The following COL15A1 variants were observed in gnomAD, a reference collection of about 807,000 sequenced individuals.
COL15A1 encodes collagen alpha-1(XV) chain.
A neutral mutation model predicts 165.9 loss-of-function variants in COL15A1; 111 were observed. That is an observed-to-expected ratio of 0.67 (90% CI 0.57 to 0.78). The LOEUF (loss-of-function observed/expected upper bound fraction) is 0.78. Among genes scored for constraint, COL15A1 ranks in the 30% least tolerant of loss-of-function variants. The pLI is 0.00. For missense variants in COL15A1, 1,745 were observed against 1,789.7 expected (o/e 0.98, Z 0.45); for synonymous variants, 659 against 674.8 (o/e 0.98, Z 0.36).
At chr9:99,068,530 C>A (rs1010394099) in intron 40 of COL15A1, 25 bp from the exon 41 acceptor site, 3 of 888,966 alleles carry the variant, frequency 3.4e-6, no homozygotes, top group African/African-American at 1.8e-5. Context: ...TATAATGATT[C>A]TAATGTGGTA....
chr9:99,003,639 T>A, intron 8 of COL15A1, 52 bp downstream of exon 8: 1 of 1,445,136 alleles, frequency 6.9e-7, no homozygotes, highest in South Asian at 1.6e-5. Context: ...GGGTTGTGGG[T>A]TGTGTTGGGT....
In COL15A1 at chr9:99,000,866, TG is replaced by T; in HGVS notation, c.982del (p.Glu328ArgfsTer30). The T allele has an allele frequency of 6.3e-7, 1 of 1,594,308 alleles. No individual in the cohort carries two copies. Among genetic ancestry groups the T allele is most frequent in the Non-Finnish European group, 8.6e-7 (1 of 1,162,510 alleles). ...TCTGGTGAGATCCTGAATGACACAC[TG>T]GAGGGGGTTCATTCTGTGGATGGTG... is the stretch of plus-strand genomic sequence containing the variant. ...QGSGEILNDT[L>X]EGVHSVDGDP... is the part of the protein sequence containing the mutation. On this transcript the variant is annotated frameshift_variant, in exon 7 of 42. Coordinates refer to ENST00000375001, the MANE Select transcript of COL15A1 (RefSeq NM_001855.5). LOFTEE classifies it high-confidence loss of function.
intron 16 of COL15A1, among the ~76,000 whole-genome samples, chr9:99,033,056 A>G (rs148881214): frequency 6.6e-6 from 1 of 152,318 alleles, no homozygotes; most frequent in Non-Finnish European, 1.5e-5. Flanking sequence ...TTCTCACAGT[A>G]TTGCCTTGCC....
intron 2 of COL15A1, among the ~76,000 whole-genome samples, chr9:98,984,164 G>A (rs190526603): frequency 2.0e-5 from 3 of 152,276 alleles, no homozygotes; most frequent in East Asian, 3.9e-4. Context: ...CTCAGGATCC[G>A]GCTTCACTTC....
chr9:98,953,316 GA>G (rs1366623827), intron 2 of COL15A1, among the ~76,000 whole-genome samples: 7 of 152,066 alleles, frequency 4.6e-5, no homozygotes, highest in Non-Finnish European at 7.3e-5. Context: ...CTACAGAGAG[GA>G]AAAGTCTAGG....
intron 9 of COL15A1, among the ~76,000 whole-genome samples, chr9:99,014,152 C>T (rs773834196): frequency 1.3e-5 from 2 of 152,120 alleles, no homozygotes; most frequent in Admixed American, 6.5e-5. Context: ...TTACTGAGCA[C>T]TTTAATAGTA....
At chr9:98,944,121 C>T in intron 1 of COL15A1, 41 bp from the exon 2 acceptor site, 1 of 1,614,168 alleles carries the variant, frequency 6.2e-7, no homozygotes, top group African/African-American at 1.3e-5. Context: ...CTCCAATACT[C>T]TTGCCCGCCT....
chr9:98,979,619 G>A (rs951753064), intron 2 of COL15A1, among the ~76,000 whole-genome samples: 1 of 150,596 alleles, frequency 6.6e-6, no homozygotes, highest in African/African-American at 2.5e-5. Flanking sequence ...ATGGTTTTGG[G>A]GTTTTCTTTG....
chr9:98,995,117 T>C (rs1054794515), intron 5 of COL15A1, among the ~76,000 whole-genome samples: 1 of 152,182 alleles, frequency 6.6e-6, no homozygotes, highest in African/African-American at 2.4e-5. Flanking sequence ...GGCTTGAGCA[T>C]TGGTTCCTGA....
At position 98,985,569 on chromosome 9, in the gene COL15A1, T is replaced by C. The variant is rs1275407376; in HGVS notation, c.105T>C (p.Thr35=). The C allele has an allele frequency of 6.2e-7, 1 of 1,611,044 alleles. No individual in the cohort carries two copies. The highest frequency in any genetic ancestry group is 1.7e-5 in the Admixed American group (1 of 59,960). Residue 35 remains threonine, a synonymous_variant, in exon 3 of 42, where the codon ACT becomes ACC. Coordinates refer to ENST00000375001, the MANE Select transcript of COL15A1 (RefSeq NM_001855.5). ...CCTCTCTCTCCCTCCCTGCAGAGAC[T>C]GCTTCCCAGGGTCACCTGGACCTCA... ...AVTQTRGATE[T]ASQGHLDLTQ... is the part of the protein sequence containing the mutation.
rs369785368 is a variant in COL15A1, at chr9:99,068,603, G to A, written c.3886G>A (p.Gly1296Ser). The A allele has an allele frequency of 5.2e-6, 8 of 1,550,912 alleles. No individual in the cohort carries two copies. Among genetic ancestry groups the A allele is most frequent in the Non-Finnish European group, 6.9e-6 (8 of 1,158,538 alleles). ...GGACTCAATTTTTTCTGGCCACGGA[G>A]GTCAGTTCAATATGCATATTCCAAT... ...NWDSIFSGHGGQFNMHIPIYS... is the reference protein window; with the variant it reads ...NWDSIFSGHGSQFNMHIPIYS... Residue 1296 changes from glycine (G) to serine (S), a missense_variant, in exon 41 of 42, where the codon GGT becomes AGT. Physicochemically the swap from Gly to Ser is moderately conservative, Grantham distance 56. Coordinates refer to ENST00000375001, the MANE Select transcript of COL15A1 (RefSeq NM_001855.5).
At chr9:99,063,439 C>A (rs1412563844) in intron 39 of COL15A1, among the ~76,000 whole-genome samples, 1 of 152,108 alleles carries the variant, frequency 6.6e-6, no homozygotes. Flanking sequence ...AAGGGCTGTG[C>A]ATTCCTGTAA....
In COL15A1 at chr9:99,049,922, G is replaced by A. The variant is rs769176157; in HGVS notation, c.2904+27G>A. The A allele has an allele frequency of 6.2e-6, 10 of 1,614,044 alleles. No homozygotes were observed. In the East Asian group the frequency reaches 2.2e-4, roughly 36 times the overall value. ...TAAGTAGCAATCACTGCCTTAAAGA[G>A]CAGGCTTTGGCATGGATAGCAACTT... On this transcript the variant is annotated intron_variant, in intron 30 of 41. Transcript: ENST00000375001.
At chr9:99,043,804 T>C (rs1839451150) in intron 24 of COL15A1, among the ~76,000 whole-genome samples, 1 of 152,156 alleles carries the variant, frequency 6.6e-6, no homozygotes, top group South Asian at 2.1e-4. Context: ...GATAGAAGGT[T>C]TCTGCACCCA....
chr9:98,951,283 C>T (rs377373693), intron 2 of COL15A1, among the ~76,000 whole-genome samples: 4 of 152,190 alleles, frequency 2.6e-5, no homozygotes, highest in Non-Finnish European at 5.9e-5. Flanking sequence ...ATATTTCCCC[C>T]CAAAGAACTC....
intron 26 of COL15A1, among the ~76,000 whole-genome samples, chr9:99,047,153 T>C (rs1839504904): frequency 6.6e-6 from 1 of 152,146 alleles, no homozygotes; most frequent in Non-Finnish European, 1.5e-5. Flanking sequence ...TCCCAGACAT[T>C]AGAAGGCAGG....
intron 13 of COL15A1, 23 bp from the exon 14 acceptor site, chr9:99,023,334 G>GTCT (rs1839059202): frequency 6.3e-7 from 1 of 1,583,070 alleles, no homozygotes; most frequent in East Asian, 2.3e-5. Context: ...AATGCAAGTA[G>GTCT]TGGAAATTTC....
chr9:99,018,181 T>A (rs1838969441), intron 11 of COL15A1, among the ~76,000 whole-genome samples: 1 of 152,240 alleles, frequency 6.6e-6, no homozygotes, highest in African/African-American at 2.4e-5. Flanking sequence ...TATTTTGTTT[T>A]AAAATACCTC....
chr9:99,015,347 C>T (rs1838911291), intron 9 of COL15A1, 70 bp from the exon 10 acceptor site: 3 of 1,057,408 alleles, frequency 2.8e-6, no homozygotes, highest in South Asian at 1.3e-5. Context: ...TTTCCACCCC[C>T]CAGCCTCACA....
Sources: allele counts gnomAD v4.1 joint callset (sites outside exome capture counted in the v4.1 genomes callset), GRCh38; gene constraint gnomAD v4.1.1; transcripts MANE v1.5; gene names NCBI Gene and HGNC (gene_info 2026-07-23, HGNC 2026-07-21).